Variants in SMIM7 observed in about 807,000 individuals in gnomAD.
The protein encoded by SMIM7 is small integral membrane protein 7, also known as UPF0608 protein C19orf42.
Under a neutral mutation model 13.3 loss-of-function variants are expected in SMIM7, and 12 were observed. The ratio of observed to expected loss-of-function variants is 0.90; its 90% CI spans 0.58 to 1.46. SMIM7 has a LOEUF of 1.46. Among genes scored for constraint, SMIM7 ranks in the 40% most tolerant of loss-of-function variants. SMIM7 has a pLI of 0.00. For synonymous variants in SMIM7, 36 were observed against 35.8 expected, an observed-to-expected ratio of 1.01 and a Z score of -0.02; for missense variants, 114 against 94.8, an observed-to-expected ratio of 1.20 and a Z score of -0.84.
chr19:16,658,121 G>A (rs576122990), intron 3 of SMIM7, among the ~76,000 whole-genome samples: 51 of 152,208 alleles, frequency 3.4e-4, no homozygotes, highest in African/African-American at 1.1e-3. Context: ...CTGTGACGCC[G>A]CCTCCTCAAA....
downstream of SMIM7, chr19:16,641,218 T>G (rs548778248): frequency 2.6e-5 from 4 of 152,226 alleles, no homozygotes; most frequent in African/African-American, 9.6e-5. Flanking sequence ...TACTCCACTT[T>G]GAAGTTATAG....
intron 4 of SMIM7, 122 bp from the exon 5 acceptor site, chr19:16,647,383 A>AT (rs2086462544): frequency 2.2e-5 from 27 of 1,212,168 alleles, no homozygotes; most frequent in Non-Finnish European, 2.4e-5. Context: ...TGATTGTCTG[A>AT]TTTTTTAAAG....
Position 16,660,010 on chromosome 19 carries a change from G to A in SMIM7, c.27-10C>T, listed in dbSNP as rs376518073. 4.3e-6 allele frequency: 7 copies of A among 1,614,042 alleles called. No homozygotes were observed. The highest frequency in any genetic ancestry group is 3.3e-5 in the South Asian group (3 of 91,036). The stretch of plus-strand genomic sequence containing the variant: ...ATTCATCAGCAACGTCCTGCAGAGG[G>A]AGAATTACAGTTACTAGGGGCGCCC... On this transcript the variant is annotated splice_polypyrimidine_tract_variant and intron_variant, in intron 1 of 4. Coordinates refer to ENST00000487416, the MANE Select transcript of SMIM7 (RefSeq NM_024104.4).
In SMIM7 at chr19:16,646,300, A is replaced by G. The variant is rs1333242178; in HGVS notation, c.*946T>C. On this transcript the variant is annotated 3_prime_UTR_variant, in exon 5 of 5. Transcript: ENST00000487416. ...TCTTATTGGTATAAACAAACAAACA[A>G]AAAAACCAGACAACAAAAAACTCAA... 6.6e-6 allele frequency: 1 copy of G among 152,132 alleles called. No individual in the cohort carries two copies. The highest frequency in any genetic ancestry group is 2.4e-5 in the African/African-American group (1 of 41,428). 9.4% of individuals were successfully genotyped at this position (152,132 alleles called of 1,614,324 possible).
intron 4 of SMIM7, among the ~76,000 whole-genome samples, chr19:16,647,808 T>C (rs1484585809): frequency 6.6e-6 from 1 of 152,116 alleles, no homozygotes; most frequent in Admixed American, 6.6e-5. Context: ...AAAAGATATA[T>C]ACAGGAACTT....
At chr19:16,636,589 T>C (rs189123865) in intron 4 of SMIM7, 82 of 152,308 alleles carry the variant, frequency 5.4e-4, no homozygotes, top group African/African-American at 1.9e-3. Flanking sequence ...CAGACTAAAT[T>C]TGTTTTGTTT....
At chr19:16,636,785 C>T (rs1260555837) in intron 4 of SMIM7, among the ~76,000 whole-genome samples, 4 of 151,828 alleles carry the variant, frequency 2.6e-5, no homozygotes, top group Admixed American at 1.3e-4. Flanking sequence ...GACCCCATCT[C>T]TACAAAAAAA....
intron 3 of SMIM7, among the ~76,000 whole-genome samples, chr19:16,655,819 G>GGGATGACAA (rs2122546915): frequency 6.6e-6 from 1 of 151,934 alleles, no homozygotes; most frequent in African/African-American, 2.4e-5. Flanking sequence ...TACTTTTTCA[G>GGGATGACAA]GGATGACAAC....
At chr19:16,653,756 G>A (rs2086560038) in intron 4 of SMIM7, 1 of 432,616 alleles carries the variant, frequency 2.3e-6, no homozygotes. Flanking sequence ...TCAGCCGTGT[G>A]TGGTGGCACG....
At chr19:16,655,904 T>C (rs900585517) in intron 3 of SMIM7, among the ~76,000 whole-genome samples, 1 of 152,168 alleles carries the variant, frequency 6.6e-6, no homozygotes, top group Non-Finnish European at 1.5e-5. Context: ...AGCCTAGTAT[T>C]ATCTAGCCGA....
chr19:16,632,742 G>A (rs2086331055), intron 4 of SMIM7, among the ~76,000 whole-genome samples: 1 of 151,878 alleles, frequency 6.6e-6, no homozygotes, highest in South Asian at 2.1e-4. Context: ...ATGTTGGTCA[G>A]GCTGCTCTGG....
intron 3 of SMIM7, among the ~76,000 whole-genome samples, chr19:16,658,759 G>C: frequency 6.6e-6 from 1 of 152,210 alleles, no homozygotes; most frequent in South Asian, 2.1e-4. Context: ...ATCGGAGGAC[G>C]GGTACGGCAA....
intron 4 of SMIM7, among the ~76,000 whole-genome samples, chr19:16,635,899 A>AATATATAT (rs1170352437): frequency 1.6e-3 from 180 of 109,570 alleles, no homozygotes; most frequent in Non-Finnish European, 2.4e-3. Flanking sequence ...AAAAAAAAAA[A>AATATATAT]ATATATATAT....
At chr19:16,659,514 G>C in intron 2 of SMIM7, 67 bp from the exon 3 acceptor site, 1 of 1,498,618 alleles carries the variant, frequency 6.7e-7, no homozygotes, top group Non-Finnish European at 9.1e-7. Context: ...CTGACCCCCA[G>C]CTCAGAAGGC....
At chr19:16,651,255 T>C (rs1468057247) in intron 4 of SMIM7, among the ~76,000 whole-genome samples, 1 of 152,242 alleles carries the variant, frequency 6.6e-6, no homozygotes, top group Non-Finnish European at 1.5e-5. Context: ...CTAACAGTTC[T>C]GGCTCTGCAA....
At chr19:16,659,860 C>A in intron 2 of SMIM7, 99 bp downstream of exon 2, 1 of 1,492,064 alleles carries the variant, frequency 6.7e-7, no homozygotes, top group South Asian at 1.2e-5. Context: ...GGGCCTGCGG[C>A]TTGGGGGCGG....
chr19:16,657,513 G>C (rs556217650), intron 3 of SMIM7, among the ~76,000 whole-genome samples: 199 of 152,328 alleles, frequency 1.3e-3, no homozygotes, highest in African/African-American at 4.7e-3. Flanking sequence ...ACAACCGCTA[G>C]AGTCAGAAAA....
rs1243608023 is a variant in SMIM7, at chr19:16,647,259, A to G, written c.215T>C (p.Leu72Pro). ...NIFMMFCMIV[L>P]FGS ...CATCGCTGGGATTCAAGAGCCGAAC[A>G]GCCTGGAGAAGTCAGAGGGCAGAAA... is the stretch of plus-strand genomic sequence containing the variant. Residue 72 changes from leucine to proline, a missense_variant and splice_region_variant, in exon 5 of 5, where the codon CTG becomes CCG. Transcript: ENST00000487416. 2.5e-6 allele frequency: 4 copies of G among 1,614,028 alleles called. No individual in the cohort carries two copies. The highest frequency in any genetic ancestry group is 2.2e-5 in the South Asian group (2 of 91,014).
intron 4 of SMIM7, chr19:16,652,658 T>C (rs1199355485): frequency 1.5e-6 from 2 of 1,378,806 alleles, no homozygotes; most frequent in African/African-American, 2.9e-5. Context: ...GAGGGTGAAA[T>C]GCCATCCTCC....
Sources: allele counts gnomAD v4.1 joint callset (sites outside exome capture counted in the v4.1 genomes callset), GRCh38; gene constraint gnomAD v4.1.1; transcripts MANE v1.5; gene names NCBI Gene and HGNC (gene_info 2026-07-23, HGNC 2026-07-21).